Variants in NR2F1-AS1 observed in about 807,000 individuals in gnomAD.
The protein encoded by NR2F1-AS1 is NR2F1 antisense RNA 1.
Position 93,558,743 on chromosome 5 carries a change from C to T in NR2F1-AS1, n.414-3748G>A, listed in dbSNP as rs147956328. The stretch of plus-strand genomic sequence containing the variant: ...AATATTAATCTCCTTGTACATCTCC[C>T]TCAGAGCTCTTGGGTGACCAGGTAC... On this transcript the variant is annotated intron_variant and non_coding_transcript_variant, in intron 2 of 5. Transcript: ENST00000660523. 2.4e-3 allele frequency among the ~76,000 whole-genome samples: 361 copies of T among 152,318 alleles called. 3 individuals carry two copies. The highest frequency in any genetic ancestry group is 7.9e-3 in the African/African-American group (329 of 41,562).
chr5:93,480,430 T>A (rs1750576747), intron 4 of NR2F1-AS1, among the ~76,000 whole-genome samples: 1 of 151,978 alleles, frequency 6.6e-6, no homozygotes, highest in African/African-American at 2.4e-5. Context: ...ACTTCAAAAA[T>A]GAAGAGGAAA....
chr5:93,451,506 G>A (rs1300658237), intron 4 of NR2F1-AS1, among the ~76,000 whole-genome samples: 2 of 151,994 alleles, frequency 1.3e-5, no homozygotes, highest in Non-Finnish European at 2.9e-5. Context: ...GGGCTCAAGT[G>A]ATCCTCCCAC....
chr5:93,501,319 TTTGTTGTTGTTG>T (rs138163412), intron 4 of NR2F1-AS1, among the ~76,000 whole-genome samples: 4 of 141,466 alleles, frequency 2.8e-5, no homozygotes, highest in East Asian at 4.2e-4. Context: ...TAGTAAGGTT[TTTGTTGTTGTTG>T]TTGTTGTTGT....
At chr5:93,456,658 AT>A (rs75556353) in intron 4 of NR2F1-AS1, among the ~76,000 whole-genome samples, 6,152 of 145,668 alleles carry the variant, frequency 0.042, 311 homozygotes, top group African/African-American at 0.13. Flanking sequence ...TACATTTTTA[AT>A]TTTTTTTTTT....
At chr5:93,483,805 C>T (rs1750654913) in intron 4 of NR2F1-AS1, among the ~76,000 whole-genome samples, 1 of 152,128 alleles carries the variant, frequency 6.6e-6, no homozygotes, top group Non-Finnish European at 1.5e-5. Context: ...GTGAAGCTTA[C>T]ACAATTATCA....
intron 1 of NR2F1-AS1, among the ~76,000 whole-genome samples, chr5:93,563,867 C>G (rs1272114964): frequency 6.6e-6 from 1 of 151,976 alleles, no homozygotes; most frequent in Non-Finnish European, 1.5e-5. Flanking sequence ...CTTTGGGAAG[C>G]TGAGGTGGGC....
At chr5:93,487,892 A>G (rs1224443255) in intron 4 of NR2F1-AS1, among the ~76,000 whole-genome samples, 1 of 152,156 alleles carries the variant, frequency 6.6e-6, no homozygotes, top group Non-Finnish European at 1.5e-5. Context: ...GTACCAAAAC[A>G]TATATAGACC....
chr5:93,562,104 T>A (rs1455668287), intron 2 of NR2F1-AS1, among the ~76,000 whole-genome samples: 1 of 149,572 alleles, frequency 6.7e-6, no homozygotes, highest in Non-Finnish European at 1.5e-5. Context: ...TCCCAGCACT[T>A]TGGGAGGCCA....
chr5:93,440,378 G>T (rs1375620013), intron 4 of NR2F1-AS1, among the ~76,000 whole-genome samples: 1 of 152,202 alleles, frequency 6.6e-6, no homozygotes, highest in African/African-American at 2.4e-5. Context: ...AAGCAGATTG[G>T]TCTCTCCAAT....
chr5:93,409,377 T>C (rs770479814), intron 4 of NR2F1-AS1: 1 of 152,150 alleles, frequency 6.6e-6, no homozygotes, highest in Non-Finnish European at 1.5e-5. Flanking sequence ...ATCCAGTTTA[T>C]TTGGATACGT....
chr5:93,439,551 C>G (rs957375687), intron 4 of NR2F1-AS1, among the ~76,000 whole-genome samples: 7 of 152,246 alleles, frequency 4.6e-5, no homozygotes, highest in African/African-American at 1.7e-4. Context: ...GCCTCGGCCT[C>G]CCAAAGTGCT....
chr5:93,495,294 T>G (rs1561467945), intron 4 of NR2F1-AS1, among the ~76,000 whole-genome samples: 1 of 152,286 alleles, frequency 6.6e-6, no homozygotes, highest in East Asian at 1.9e-4. Context: ...TTTCCATACT[T>G]TATTCTGTTT....
intron 4 of NR2F1-AS1, among the ~76,000 whole-genome samples, chr5:93,491,414 G>C (rs1750847625): frequency 6.6e-6 from 1 of 151,966 alleles, no homozygotes; most frequent in African/African-American, 2.4e-5. Context: ...CGTGGTCCTA[G>C]CTAAAGTGAT....
In NR2F1-AS1 at chr5:93,501,418, A is replaced by G. The variant is rs1161295640; in HGVS notation, n.638+52343T>C. Among the ~76,000 whole-genome samples the G allele has an allele frequency of 2.0e-5, 3 of 150,456 alleles. No individual in the cohort carries two copies. The East Asian group carries it at 5.9e-4, about 29-fold the overall frequency. Reference sequence around the variant, plus strand: ...ACCCAGGCTGGAGTGCAGTGGTGCAATCTGGGCTCACAGCAACCTCCGTGT... The same window carrying G: ...ACCCAGGCTGGAGTGCAGTGGTGCAGTCTGGGCTCACAGCAACCTCCGTGT... On this transcript the variant is annotated intron_variant and non_coding_transcript_variant, in intron 4 of 5. Transcript: ENST00000660523.
intron 4 of NR2F1-AS1, among the ~76,000 whole-genome samples, chr5:93,451,328 A>C (rs1430107827): frequency 6.6e-6 from 1 of 150,904 alleles, no homozygotes; most frequent in African/African-American, 2.5e-5. Context: ...TTGAAAAAAA[A>C]AAAAAAAAAA....
At chr5:93,503,884 C>G (rs1751133315) in intron 4 of NR2F1-AS1, among the ~76,000 whole-genome samples, 1 of 148,072 alleles carries the variant, frequency 6.8e-6, no homozygotes, top group African/African-American at 2.6e-5. Context: ...TGCTTTGTAT[C>G]CTTTGCTATA....
At chr5:93,454,697 C>T (rs1749908485) in intron 4 of NR2F1-AS1, among the ~76,000 whole-genome samples, 1 of 152,216 alleles carries the variant, frequency 6.6e-6, no homozygotes, top group Admixed American at 6.5e-5. Context: ...CTCAGATCTC[C>T]GGGGATGGGG....
intron 4 of NR2F1-AS1, among the ~76,000 whole-genome samples, chr5:93,487,055 G>C (rs892711071): frequency 2.0e-5 from 3 of 152,006 alleles, no homozygotes; most frequent in Admixed American, 2.0e-4. Context: ...ACCCCTTCAC[G>C]CTAAAAAGTC....
At chr5:93,490,976 T>C (rs1750830391) in intron 4 of NR2F1-AS1, among the ~76,000 whole-genome samples, 2 of 142,882 alleles carry the variant, frequency 1.4e-5, no homozygotes, top group African/African-American at 2.6e-5. Flanking sequence ...TTCCTGGTAA[T>C]GGTGTTGACG....
Sources: gnomAD v4.1 joint callset for allele counts (sites outside exome capture counted in the v4.1 genomes callset) on GRCh38, gnomAD v4.1.1 for gene constraint, MANE v1.5 for transcripts, NCBI Gene and HGNC (gene_info 2026-07-23, HGNC 2026-07-21) for gene names.